The following PDE4D variants were observed in gnomAD, a reference collection of about 807,000 sequenced individuals.
The protein encoded by PDE4D is phosphodiesterase 4D.
Under a neutral mutation model 87.4 loss-of-function variants are expected in PDE4D, and 24 were observed. That is an observed-to-expected ratio of 0.27 (90% CI 0.20 to 0.39). PDE4D has a LOEUF of 0.39. Among genes scored for constraint, PDE4D ranks in the 10% least tolerant of loss-of-function variants. PDE4D has a pLI of 1.00. For missense variants in PDE4D, 714 were observed against 1,041.0 expected (o/e 0.69, Z 4.32); for synonymous variants, 384 against 383.2 (o/e 1.00, Z -0.02).
intron 3 of PDE4D, among the ~76,000 whole-genome samples, chr5:59,927,413 C>T (rs2916863): frequency 0.69 from 104,632 of 152,146 alleles, 37,798 homozygotes; most frequent in African/African-American, 0.92. Flanking sequence ...AAACTGGTAA[C>T]CAGACAAAGC....
chr5:59,085,482 A>G (rs1767503188), intron 5 of PDE4D, among the ~76,000 whole-genome samples: 1 of 152,158 alleles, frequency 6.6e-6, no homozygotes, highest in Non-Finnish European at 1.5e-5. Flanking sequence ...CTCAATAAAT[A>G]TTTGTTACTA....
At position 60,337,388 on chromosome 5, in the gene PDE4D, T is replaced by TACACACACACACACACAC. The variant is rs370108536; in HGVS notation, c.-90+150536_-90+150553dup. Among the ~76,000 whole-genome samples, 648 of 89,346 alleles carry TACACACACACACACACAC rather than the reference T, an allele frequency of 7.3e-3. 13 individuals carry two copies. Among genetic ancestry groups the TACACACACACACACACAC allele is most frequent in the African/African-American group, 0.027 (619 of 23,276 alleles). 58.6% of individuals were successfully genotyped at this position (89,346 alleles called of 152,430 possible). ...ATATATATATATATATATATATATA[T>TACACACACACACACACAC]ACACACACACACACACACATATATC... On this transcript the variant is annotated intron_variant, in intron 1 of 16. Coordinates refer to the PDE4D transcript ENST00000502484.
At chr5:60,251,028 A>C (rs1029779009) in intron 1 of PDE4D, among the ~76,000 whole-genome samples, 1 of 151,994 alleles carries the variant, frequency 6.6e-6, no homozygotes, top group African/African-American at 2.4e-5. Flanking sequence ...AAGTTCAAAA[A>C]ATAAAAGAGA....
chr5:60,319,006 T>C (rs564019371), intron 1 of PDE4D, among the ~76,000 whole-genome samples: 1 of 152,296 alleles, frequency 6.6e-6, no homozygotes, highest in Admixed American at 6.5e-5. Flanking sequence ...GCATTTTCTG[T>C]ATTTCCTGAA....
At chr5:60,459,253 A>T (rs780425618) in intron 1 of PDE4D, among the ~76,000 whole-genome samples, 1 of 152,166 alleles carries the variant, frequency 6.6e-6, no homozygotes, top group African/African-American at 2.4e-5. Flanking sequence ...GTCATCTTAA[A>T]CTACAAAGAT....
intron 5 of PDE4D, among the ~76,000 whole-genome samples, chr5:59,105,169 C>T (rs1771387570): frequency 6.6e-6 from 1 of 152,048 alleles, no homozygotes; most frequent in Non-Finnish European, 1.5e-5. Flanking sequence ...GTATATACAC[C>T]ATATAGCCAA....
intron 5 of PDE4D, among the ~76,000 whole-genome samples, chr5:59,161,110 C>T (rs1195954000): frequency 1.3e-5 from 2 of 151,804 alleles, no homozygotes; most frequent in Admixed American, 6.6e-5. Flanking sequence ...CCACCCCCGC[C>T]AACAAAAAAG....
At chr5:59,181,638 G>A (rs1162837779) in intron 4 of PDE4D, among the ~76,000 whole-genome samples, 1 of 148,624 alleles carries the variant, frequency 6.7e-6, no homozygotes. Context: ...CACTTCTTGT[G>A]GATCAGACAT....
At chr5:59,236,443 A>C (rs963342487) in intron 1 of PDE4D, among the ~76,000 whole-genome samples, 4 of 152,126 alleles carry the variant, frequency 2.6e-5, no homozygotes, top group Admixed American at 6.5e-5. Flanking sequence ...CTCCTTTTGG[A>C]TACTCTGAGT....
intron 1 of PDE4D, among the ~76,000 whole-genome samples, chr5:59,591,457 C>T (rs1825908587): frequency 6.6e-6 from 1 of 152,162 alleles, no homozygotes. Flanking sequence ...CTGAGTTTCA[C>T]TTTCAGAAAG....
chr5:59,364,897 C>T (rs957939226), intron 1 of PDE4D, among the ~76,000 whole-genome samples: 3 of 151,704 alleles, frequency 2.0e-5, no homozygotes, highest in Non-Finnish European at 2.9e-5. Context: ...TCCTTTCTTC[C>T]TTCCTTCTAC....
intron 1 of PDE4D, among the ~76,000 whole-genome samples, chr5:59,318,724 AT>A (rs369260829): frequency 8.5e-5 from 13 of 152,116 alleles, no homozygotes; most frequent in African/African-American, 2.6e-4. Flanking sequence ...AATAGGCAAG[AT>A]TTTTTTTAAC....
chr5:60,201,594 T>G (rs1741916258), intron 1 of PDE4D, among the ~76,000 whole-genome samples: 2 of 152,152 alleles, frequency 1.3e-5, no homozygotes, highest in African/African-American at 4.8e-5. Context: ...GTAAATAGGA[T>G]CATGAGTCCC....
At chr5:59,629,544 G>A (rs574845276) in intron 1 of PDE4D, among the ~76,000 whole-genome samples, 1 of 152,220 alleles carries the variant, frequency 6.6e-6, no homozygotes, top group East Asian at 1.9e-4. Context: ...AAAAGGACCT[G>A]AAACAGATCC....
At chr5:60,494,123 G>A (rs1281987372) in intron 1 of PDE4D, among the ~76,000 whole-genome samples, 2 of 152,164 alleles carry the variant, frequency 1.3e-5, no homozygotes, top group Non-Finnish European at 2.9e-5. Context: ...AAATGCAGGG[G>A]ATCCCAACAT....
At chr5:60,495,472 C>T (rs189477856) in intron 1 of PDE4D, among the ~76,000 whole-genome samples, 11 of 152,278 alleles carry the variant, frequency 7.2e-5, no homozygotes, top group Non-Finnish European at 1.3e-4. Flanking sequence ...CACCACCATG[C>T]GTCAATGTTT....
In PDE4D at chr5:59,385,715, A is replaced by G. The variant is rs961927879; in HGVS notation, c.456-169747T>C. Among the ~76,000 whole-genome samples, 14 of 152,274 alleles carry G rather than the reference A, an allele frequency of 9.2e-5. 1 individual carries two copies. In the East Asian group the frequency reaches 2.3e-3, roughly 25 times the overall value. On this transcript the variant is annotated intron_variant, in intron 1 of 14. Coordinates refer to ENST00000340635, the MANE Select transcript of PDE4D (RefSeq NM_001104631.2). The stretch of plus-strand genomic sequence containing the variant: ...CGGGAAGGAGATAGTATAGAGTCCT[A>G]ACCCCTTCCTCTAAGTTTTAGAAAC...
chr5:59,712,393 C>CATATATATATATATAT (rs5868190), intron 1 of PDE4D, among the ~76,000 whole-genome samples: 2 of 122,602 alleles, frequency 1.6e-5, no homozygotes, highest in East Asian at 2.3e-4. Context: ...TAATATTATT[C>CATATATATATATATAT]ATATATATAT....
At chr5:60,408,785 G>C in intron 1 of PDE4D, among the ~76,000 whole-genome samples, 1 of 152,254 alleles carries the variant, frequency 6.6e-6, no homozygotes, top group East Asian at 1.9e-4. Flanking sequence ...ATAATAAAGG[G>C]AGAGAGATAT....
Sources: gnomAD v4.1 joint callset for allele counts (sites outside exome capture counted in the v4.1 genomes callset) on GRCh38, gnomAD v4.1.1 for gene constraint, MANE v1.5 for transcripts, NCBI Gene and HGNC (gene_info 2026-07-23, HGNC 2026-07-21) for gene names.